LIMD1: variants seen among roughly 807,000 people sequenced by gnomAD.
LIMD1 encodes the protein LIM domain-containing protein 1.
In LIMD1, 23 loss-of-function variants were observed where a neutral mutation model predicts 58.4. That is an observed-to-expected ratio of 0.39 (90% CI 0.28 to 0.56). LIMD1 has a LOEUF of 0.56. LIMD1 is among the 20% of genes least tolerant of loss of function. The probability of loss-of-function intolerance (pLI) is 0.57; values close to 1 mark genes in which losing one functional copy is unlikely to be tolerated. For synonymous variants in LIMD1, 334 were observed against 345.5 expected (o/e 0.97, Z 0.37); for missense variants, 838 against 855.5 (o/e 0.98, Z 0.25).
chr3:45,616,762 T>G (rs965332284), intron 1 of LIMD1, among the ~76,000 whole-genome samples: 4 of 152,046 alleles, frequency 2.6e-5, no homozygotes, highest in African/African-American at 9.7e-5. Context: ...AAAGTCTTTT[T>G]TTTTTTTTTT....
chr3:45,645,328 A>G (rs1701889743), intron 2 of LIMD1, among the ~76,000 whole-genome samples: 1 of 152,228 alleles, frequency 6.6e-6, no homozygotes, highest in Non-Finnish European at 1.5e-5. Flanking sequence ...CCTGACAGGG[A>G]AGACCATCAG....
At chr3:45,628,362 A>T (rs1264842117) in intron 1 of LIMD1, among the ~76,000 whole-genome samples, 1 of 152,228 alleles carries the variant, frequency 6.6e-6, no homozygotes, top group Non-Finnish European at 1.5e-5. Context: ...GCGTCTCACT[A>T]AAGAAGAAAA....
At chr3:45,624,334 C>G (rs1701650762) in intron 1 of LIMD1, among the ~76,000 whole-genome samples, 1 of 151,962 alleles carries the variant, frequency 6.6e-6, no homozygotes, top group African/African-American at 2.4e-5. Context: ...GGAAGTGGCA[C>G]AAAATAAAGT....
intron 2 of LIMD1, 54 bp downstream of exon 2, chr3:45,636,305 A>AC: frequency 7.7e-7 from 1 of 1,306,586 alleles, no homozygotes; most frequent in Non-Finnish European, 1.1e-6. Context: ...GAACATGGGA[A>AC]CCGAGAAAGG....
chr3:45,597,063 C>CAT (rs1701364600), intron 1 of LIMD1, among the ~76,000 whole-genome samples: 1 of 151,518 alleles, frequency 6.6e-6, no homozygotes. Context: ...GGTTTCACTG[C>CAT]GCTAGCCAGG....
intron 2 of LIMD1, among the ~76,000 whole-genome samples, chr3:45,664,896 A>G (rs914138224): frequency 6.6e-6 from 1 of 152,184 alleles, no homozygotes; most frequent in African/African-American, 2.4e-5. Flanking sequence ...TGTTGAGCCT[A>G]GCACTGGAAA....
chr3:45,627,301 C>T (rs535010734), intron 1 of LIMD1, among the ~76,000 whole-genome samples: 3 of 152,186 alleles, frequency 2.0e-5, no homozygotes, highest in Admixed American at 6.5e-5. Flanking sequence ...CCGGTACTCC[C>T]TTAGCCCCTC....
At chr3:45,647,745 T>C (rs144374386) in intron 2 of LIMD1, among the ~76,000 whole-genome samples, 166 of 152,334 alleles carry the variant, frequency 1.1e-3, no homozygotes, top group Non-Finnish European at 2.0e-3. Flanking sequence ...AGTCCAGTTC[T>C]TTTGCCTGGT....
chr3:45,633,070 G>A (rs1313785980), intron 1 of LIMD1, among the ~76,000 whole-genome samples: 1 of 152,188 alleles, frequency 6.6e-6, no homozygotes, highest in Non-Finnish European at 1.5e-5. Flanking sequence ...AAAATCATTA[G>A]ACAGAAAGAA....
intron 1 of LIMD1, among the ~76,000 whole-genome samples, chr3:45,600,412 G>A (rs1022877201): frequency 6.6e-6 from 1 of 152,132 alleles, no homozygotes; most frequent in Non-Finnish European, 1.5e-5. Context: ...AACTTGGCAC[G>A]GGAACTCTCC....
intron 2 of LIMD1, among the ~76,000 whole-genome samples, chr3:45,652,812 C>G (rs1701988583): frequency 6.6e-6 from 1 of 152,176 alleles, no homozygotes. Flanking sequence ...TAACGGAGAC[C>G]CTCTGCACAT....
rs143560083 is a variant in LIMD1 at position 45,595,611 on chromosome 3, C to T, written c.732C>T (p.Leu244=). Reference sequence around the variant, plus strand: ...CCAGCAGGTCTTCTGAGGGTAGCCTCGGTGGTCAGAATAGTGGCATTGGTG... The same window carrying T: ...CCAGCAGGTCTTCTGAGGGTAGCCTTGGTGGTCAGAATAGTGGCATTGGTG... ...LSSSRSSEGS[L]GGQNSGIGGR... Residue 244 remains leucine (L), a synonymous_variant, in exon 1 of 8, where the codon CTC becomes CTT. Coordinates refer to ENST00000273317, the MANE Select transcript of LIMD1 (RefSeq NM_014240.3). The T allele has an allele frequency of 2.5e-4, 396 of 1,613,892 alleles. 1 individual carries two copies. Among genetic ancestry groups the T allele is most frequent in the Non-Finnish European group, 3.0e-4 (355 of 1,179,996 alleles).
In LIMD1 at chr3:45,614,182, T is replaced by C. The variant is rs1170544673; in HGVS notation, c.1408+17895T>C. On this transcript the variant is annotated intron_variant, in intron 1 of 7. Coordinates refer to ENST00000273317, the MANE Select transcript of LIMD1 (RefSeq NM_014240.3). Reference sequence around the variant, plus strand: ...TTGCTTCTTTGCTCTCTTAAGAGTTTGATTTAAAAAACATTTTTTTGTTTT... The same window carrying C: ...TTGCTTCTTTGCTCTCTTAAGAGTTCGATTTAAAAAACATTTTTTTGTTTT... Among the ~76,000 whole-genome samples, 5 of 152,184 alleles carry C rather than the reference T, an allele frequency of 3.3e-5. No individual in the cohort carries two copies. The East Asian group carries it at 9.6e-4, about 29-fold the overall frequency.
chr3:45,616,722 A>G, intron 1 of LIMD1, among the ~76,000 whole-genome samples: 1 of 151,884 alleles, frequency 6.6e-6, no homozygotes. Context: ...TGCATTGCAG[A>G]TAGCTCACTT....
At chr3:45,632,502 A>G in intron 1 of LIMD1, 2 of 985,362 alleles carry the variant, frequency 2.0e-6, no homozygotes, top group Non-Finnish European at 2.4e-6. Flanking sequence ...CTTGGAATGA[A>G]GTGCTTGTGG....
At position 45,672,919 on chromosome 3, in the gene LIMD1, C is replaced by T; in HGVS notation, c.1772+99C>T. On this transcript the variant is annotated intron_variant, in intron 5 of 7. Coordinates refer to ENST00000273317, the MANE Select transcript of LIMD1 (RefSeq NM_014240.3). ...CCGACAAAACTGTGTTTGCCAGCCG[C>T]CCTTAGATCACAGTCCAGCAAAGGC... 3.5e-6 allele frequency: 5 copies of T among 1,428,704 alleles called. No individual in the cohort carries two copies. In the South Asian group the frequency reaches 4.9e-5, roughly 14 times the overall value. 88.5% of individuals were successfully genotyped at this position (1,428,704 alleles called of 1,614,324 possible).
At chr3:45,603,599 C>T (rs1701439319) in intron 1 of LIMD1, among the ~76,000 whole-genome samples, 1 of 152,224 alleles carries the variant, frequency 6.6e-6, no homozygotes, top group Non-Finnish European at 1.5e-5. Flanking sequence ...ACTCCAATCT[C>T]TCTGGCCCTG....
intron 2 of LIMD1, among the ~76,000 whole-genome samples, chr3:45,656,806 A>G (rs112725303): frequency 8.5e-5 from 13 of 152,238 alleles, no homozygotes; most frequent in African/African-American, 2.9e-4. Context: ...GTGAGCCACC[A>G]CGCCCAGCCG....
At chr3:45,609,195 G>A (rs148824960) in intron 1 of LIMD1, among the ~76,000 whole-genome samples, 19 of 152,280 alleles carry the variant, frequency 1.2e-4, no homozygotes, top group African/African-American at 4.3e-4. Context: ...CTTGGGTGAC[G>A]TTGCTTGTGG....
Sources: gnomAD v4.1 joint callset for allele counts (sites outside exome capture counted in the v4.1 genomes callset) on GRCh38, gnomAD v4.1.1 for gene constraint, MANE v1.5 for transcripts, NCBI Gene and HGNC (gene_info 2026-07-23, HGNC 2026-07-21) for gene names.